SEPTIN2: variants seen among roughly 807,000 people sequenced by gnomAD.
The protein encoded by SEPTIN2 is septin-2.
A neutral mutation model predicts 46.5 loss-of-function variants in SEPTIN2; 34 were observed. The ratio of observed to expected loss-of-function variants is 0.73; its 90% CI spans 0.56 to 0.97. The LOEUF (loss-of-function observed/expected upper bound fraction) is 0.97, where lower values mean the gene tolerates loss of function less well. SEPTIN2 is among the 50% of genes least tolerant of loss of function. The probability of loss-of-function intolerance (pLI) is 0.00; values close to 1 mark genes in which losing one functional copy is unlikely to be tolerated. For missense variants in SEPTIN2, 347 were observed against 448.4 expected (o/e 0.77, Z 2.04); for synonymous variants, 175 against 153.4 (o/e 1.14, Z -1.04).
intron 7 of SEPTIN2, among the ~76,000 whole-genome samples, chr2:241,339,864 C>T (rs973248397): frequency 1.3e-5 from 2 of 152,140 alleles, no homozygotes; most frequent in Admixed American, 6.5e-5. Context: ...ATTTCTCTAG[C>T]GTGTTTTTTG....
chr2:241,351,021 G>C (rs911361555), intron 12 of SEPTIN2, among the ~76,000 whole-genome samples: 1 of 152,206 alleles, frequency 6.6e-6, no homozygotes, highest in Non-Finnish European at 1.5e-5. Context: ...ATTAGAGCTT[G>C]AAAGAGAGTT....
chr2:241,338,348 G>A (rs1022414982), intron 7 of SEPTIN2, among the ~76,000 whole-genome samples: 2 of 151,722 alleles, frequency 1.3e-5, no homozygotes, highest in Admixed American at 6.6e-5. Flanking sequence ...CTGATTATAT[G>A]CTCCTTAAGA....
chr2:241,345,769 G>A lies in SEPTIN2; in HGVS notation c.843-397G>A, dbSNP rs147663394. On this transcript the variant is annotated intron_variant, in intron 9 of 12. Transcript: ENST00000391971. Reference sequence around the variant, plus strand: ...ATATATAAATTTTGAGTTATAGGAGGCATGAATATTTTCATTACATTTTCC... The same window carrying A: ...ATATATAAATTTTGAGTTATAGGAGACATGAATATTTTCATTACATTTTCC... Among the ~76,000 whole-genome samples the A allele has an allele frequency of 5.7e-3, 862 of 152,182 alleles. 15 individuals carry two copies. The highest frequency in any genetic ancestry group is 0.019 in the African/African-American group (801 of 41,494).
At chr2:241,336,576 T>C (rs2080031617) in intron 5 of SEPTIN2, among the ~76,000 whole-genome samples, 1 of 152,218 alleles carries the variant, frequency 6.6e-6, no homozygotes, top group Non-Finnish European at 1.5e-5. Context: ...CCTGGTTCTA[T>C]TCCTGTCAAC....
chr2:241,343,116 C>A (rs368626686), intron 8 of SEPTIN2, 23 bp downstream of exon 8: 33 of 1,296,184 alleles, frequency 2.5e-5, no homozygotes, highest in Middle Eastern at 3.7e-4. Context: ...TTCAGATCCA[C>A]AACATAAATA....
At chr2:241,324,526 T>C (rs1398115876) in intron 2 of SEPTIN2, 3 of 447,296 alleles carry the variant, frequency 6.7e-6, no homozygotes, top group Non-Finnish European at 1.3e-5. Context: ...TAGCTGGGAC[T>C]GCAGACACGT....
chr2:241,343,049 T>G lies in SEPTIN2; in HGVS notation c.652T>G (p.Ser218Ala). The part of the protein sequence containing the change: ...IKIYHLPDAE[S>A]DEDEDFKEQT... Reference sequence around the variant, plus strand: ...AATCTATCACTTACCTGATGCAGAATCAGATGAAGATGAAGATTTTAAAGA... The same window carrying G: ...AATCTATCACTTACCTGATGCAGAAGCAGATGAAGATGAAGATTTTAAAGA... Residue 218 changes from serine to alanine, a missense_variant, in exon 8 of 13, where the codon TCA (serine) becomes GCA (alanine). Physicochemically the swap from Ser to Ala is moderately conservative, Grantham distance 99. Transcript: ENST00000391971. 1 of 1,611,016 alleles carries G rather than the reference T, an allele frequency of 6.2e-7. No individual in the cohort carries two copies. The highest frequency in any genetic ancestry group is 8.5e-7 in the Non-Finnish European group (1 of 1,177,564).
chr2:241,353,086 ATTT>A lies in SEPTIN2; in HGVS notation c.*1151_*1153del, dbSNP rs2060898145. The stretch of plus-strand genomic sequence containing the variant: ...CCTTTAAATACTCCCTTTTTGAGTA[ATTT>A]TCTGATGGGAGGAAAGTAGCAGTCA... On this transcript the variant is annotated 3_prime_UTR_variant, in exon 13 of 13. Coordinates refer to ENST00000391971, the MANE Select transcript of SEPTIN2 (RefSeq NM_004404.5). 6.6e-6 allele frequency: 1 copy of A among 152,008 alleles called. No homozygotes were observed. The highest frequency in any genetic ancestry group is 6.6e-5 in the Admixed American group (1 of 15,260). 9.4% of individuals were successfully genotyped at this position (152,008 alleles called of 1,614,324 possible).
intron 3 of SEPTIN2, among the ~76,000 whole-genome samples, chr2:241,331,398 A>G (rs1010276138): frequency 6.6e-6 from 1 of 152,068 alleles, no homozygotes; most frequent in Non-Finnish European, 1.5e-5. Context: ...TCTCCCCCAA[A>G]TTGTCCCATA....
In SEPTIN2 at chr2:241,346,190, G is replaced by A; in HGVS notation, c.867G>A (p.Glu289=). 6.2e-7 allele frequency: 1 copy of A among 1,613,882 alleles called. No homozygotes were observed. Among genetic ancestry groups the A allele is most frequent in the Non-Finnish European group, 8.5e-7 (1 of 1,179,892 alleles). Residue 289 remains glutamate (E), a synonymous_variant, in exon 10 of 13, where the codon GAG becomes GAA. Transcript: ENST00000391971. ...GCACCCACATGCAGGATCTCCAGGA[G>A]GTGACCCAGGACCTTCATTATGAAA... ...MLITHMQDLQ[E]VTQDLHYENF...
At chr2:241,347,685 T>A (rs2060385551) in intron 10 of SEPTIN2, among the ~76,000 whole-genome samples, 2 of 152,232 alleles carry the variant, frequency 1.3e-5, no homozygotes, top group Non-Finnish European at 2.9e-5. Context: ...TCGAACTTTT[T>A]AAAATCATTC....
intron 7 of SEPTIN2, among the ~76,000 whole-genome samples, chr2:241,339,486 A>G (rs1456184968): frequency 6.6e-6 from 1 of 152,182 alleles, no homozygotes; most frequent in Non-Finnish European, 1.5e-5. Flanking sequence ...ATCACATAGT[A>G]ATACTATTCT....
intron 1 of SEPTIN2, chr2:241,316,292 C>T (rs1559576225): frequency 2.1e-6 from 1 of 480,888 alleles, no homozygotes; most frequent in Non-Finnish European, 3.7e-6. Context: ...GGTGCTGGGC[C>T]TCGGGGCGTC....
intron 2 of SEPTIN2, 65 bp from the exon 3 acceptor site, chr2:241,325,928 T>G: frequency 6.8e-7 from 1 of 1,469,212 alleles, no homozygotes. Context: ...CATGTCTAAC[T>G]GATTATATCT....
chr2:241,325,429 C>T (rs1339802072), intron 2 of SEPTIN2, among the ~76,000 whole-genome samples: 1 of 152,176 alleles, frequency 6.6e-6, no homozygotes, highest in Non-Finnish European at 1.5e-5. Context: ...AGATACTCAA[C>T]ATCCCACCCC....
chr2:241,335,100 G>T (rs1270667604), intron 3 of SEPTIN2, 26 bp from the exon 4 acceptor site: 1 of 1,540,100 alleles, frequency 6.5e-7, no homozygotes, highest in Non-Finnish European at 9.0e-7. Context: ...ATAAGGTCAT[G>T]ACAAGGTTTT....
chr2:241,324,307 A>C, intron 2 of SEPTIN2, 66 bp downstream of exon 2: 1 of 1,283,360 alleles, frequency 7.8e-7, no homozygotes. Flanking sequence ...GACTGTTGAC[A>C]GTCGGGACTT....
chr2:241,344,514 T>C (rs1487711826), intron 9 of SEPTIN2, among the ~76,000 whole-genome samples: 1 of 151,866 alleles, frequency 6.6e-6, no homozygotes, highest in Non-Finnish European at 1.5e-5. Context: ...CTGACCAACA[T>C]GGTGAAACCC....
chr2:241,333,652 C>G (rs1172635942), intron 3 of SEPTIN2, among the ~76,000 whole-genome samples: 2 of 151,432 alleles, frequency 1.3e-5, no homozygotes, highest in Non-Finnish European at 2.9e-5. Context: ...TACAGGCGCC[C>G]GCCACCACGC....
Sources: allele counts gnomAD v4.1 joint callset (sites outside exome capture counted in the v4.1 genomes callset), GRCh38; gene constraint gnomAD v4.1.1; transcripts MANE v1.5; gene names NCBI Gene and HGNC (gene_info 2026-07-23, HGNC 2026-07-21).